UBASH3B: variants seen among roughly 807,000 people sequenced by gnomAD.
The protein encoded by UBASH3B is ubiquitin-associated and SH3 domain-containing protein B.
In UBASH3B, 37 loss-of-function variants were observed where a neutral mutation model predicts 83.4. That is an observed-to-expected ratio of 0.44 (90% CI 0.34 to 0.58). The LOEUF (loss-of-function observed/expected upper bound fraction) is 0.58. Ranked by LOEUF, UBASH3B falls within the 20% of genes least tolerant of loss-of-function variation. The pLI, the probability that UBASH3B is intolerant of heterozygous loss-of-function variation, is 0.01. For missense variants in UBASH3B, 657 were observed against 827.2 expected, an observed-to-expected ratio of 0.79 and a Z score of 2.52; for synonymous variants, 304 against 318.3, an observed-to-expected ratio of 0.96 and a Z score of 0.48.
At chr11:122,688,246 T>C (rs920648955) in intron 1 of UBASH3B, among the ~76,000 whole-genome samples, 17 of 151,902 alleles carry the variant, frequency 1.1e-4, no homozygotes, top group African/African-American at 4.1e-4. Flanking sequence ...TTTCTTTCTT[T>C]CTTCCTTCCC....
intron 1 of UBASH3B, among the ~76,000 whole-genome samples, chr11:122,750,115 A>G (rs1861177157): frequency 6.6e-6 from 1 of 152,224 alleles, no homozygotes; most frequent in Non-Finnish European, 1.5e-5. Context: ...GATAAATAGC[A>G]GAGCCAAGGC....
At chr11:122,796,889 G>C in intron 8 of UBASH3B, 22 bp from the exon 9 acceptor site, 1 of 1,614,108 alleles carries the variant, frequency 6.2e-7, no homozygotes. Flanking sequence ...TGTATCCTCT[G>C]TCTAACCTCT....
intron 5 of UBASH3B, among the ~76,000 whole-genome samples, chr11:122,783,838 C>T (rs924280874): frequency 1.3e-5 from 2 of 152,278 alleles, no homozygotes; most frequent in East Asian, 3.9e-4. Context: ...AAACTGAATT[C>T]CATCACAAGA....
chr11:122,690,281 TAC>T (rs1863877902), intron 1 of UBASH3B, among the ~76,000 whole-genome samples: 1 of 126,654 alleles, frequency 7.9e-6, no homozygotes, highest in African/African-American at 2.8e-5. Context: ...TCTCCAATTA[TAC>T]ATATATATAT....
chr11:122,741,714 G>A (rs1861028451), intron 1 of UBASH3B, among the ~76,000 whole-genome samples: 1 of 152,070 alleles, frequency 6.6e-6, no homozygotes, highest in Non-Finnish European at 1.5e-5. Flanking sequence ...AGGCCCTCAC[G>A]ACAGCCAGGC....
chr11:122,790,598 T>C (rs1861036638), intron 6 of UBASH3B, among the ~76,000 whole-genome samples: 1 of 152,202 alleles, frequency 6.6e-6, no homozygotes. Context: ...CTCAGATCTG[T>C]TATTTTTTAT....
intron 1 of UBASH3B, among the ~76,000 whole-genome samples, chr11:122,706,293 C>A (rs1054151130): frequency 4.6e-5 from 7 of 151,876 alleles, no homozygotes; most frequent in African/African-American, 7.2e-5. Context: ...TTAATGCCAC[C>A]CCTGGATTCA....
At chr11:122,779,472 G>T (rs768495485) in intron 3 of UBASH3B, 25 bp from the exon 4 acceptor site, 2 of 1,612,954 alleles carry the variant, frequency 1.2e-6, no homozygotes, top group Non-Finnish European at 1.7e-6. Flanking sequence ...GTCTCTGAGT[G>T]AAGACTGCCT....
chr11:122,774,029 T>G, intron 1 of UBASH3B: 1 of 985,350 alleles, frequency 1.0e-6, no homozygotes, highest in Non-Finnish European at 1.2e-6. Flanking sequence ...ATGATTTGTG[T>G]TGTTTTGTGC....
In UBASH3B at chr11:122,759,037, C is replaced by T. The variant is rs1289365519; in HGVS notation, c.162-17182C>T. Among the ~76,000 whole-genome samples the T allele has an allele frequency of 6.6e-6, 1 of 152,226 alleles. No individual in the cohort carries two copies. Among genetic ancestry groups the T allele is most frequent in the Non-Finnish European group, 1.5e-5 (1 of 68,030 alleles). On this transcript the variant is annotated intron_variant, in intron 1 of 13. Transcript: ENST00000284273. The surrounding 1 kb of genome is among the most constrained non-coding windows in gnomAD (Gnocchi z 4.1). ...CTGTAGGTCAGGAGCCCAGGCATGG[C>T]TTGACTGGGTTCTCTGCTCAGTCTT... is the stretch of plus-strand genomic sequence containing the variant.
In UBASH3B at chr11:122,796,269, T is replaced by G; in HGVS notation, c.1227T>G (p.Asp409Glu). Residue 409 changes from aspartate to glutamate, a missense_variant, in exon 8 of 14, where the codon GAT (aspartate) becomes GAG (glutamate). This residue lies in a region of UBASH3B where 573 missense variants were observed against 739.0 expected (regional missense o/e 0.78). Coordinates refer to ENST00000284273, the MANE Select transcript of UBASH3B (RefSeq NM_032873.5). ...FGKYWLSQCF[D>E]AKGRYIRTNL... Reference sequence around the variant, plus strand: ...AGTACTGGCTGTCCCAGTGCTTCGATGCCAAAGGTGAGTTGGTGGTGGGCC... The same window carrying G: ...AGTACTGGCTGTCCCAGTGCTTCGAGGCCAAAGGTGAGTTGGTGGTGGGCC... 6.2e-7 allele frequency: 1 copy of G among 1,614,100 alleles called. No individual in the cohort carries two copies. The highest frequency in any genetic ancestry group is 8.5e-7 in the Non-Finnish European group (1 of 1,179,964).
chr11:122,789,385 C>A (rs1591814846), intron 6 of UBASH3B, 77 bp downstream of exon 6: 1 of 1,488,074 alleles, frequency 6.7e-7, no homozygotes, highest in Non-Finnish European at 9.3e-7. Flanking sequence ...CACAGGGCAG[C>A]AGTAAATGGA....
At chr11:122,805,481 G>A (rs1207202608) in intron 11 of UBASH3B, among the ~76,000 whole-genome samples, 13 of 152,124 alleles carry the variant, frequency 8.5e-5, no homozygotes, top group Admixed American at 7.9e-4. Flanking sequence ...GCAGTGAGTC[G>A]AGATCGAGCC....
chr11:122,809,402 A>G (rs1020975423), intron 13 of UBASH3B, among the ~76,000 whole-genome samples: 2 of 152,144 alleles, frequency 1.3e-5, no homozygotes, highest in Non-Finnish European at 1.5e-5. Flanking sequence ...CTGGACTTGC[A>G]ATTGGGAATT....
chr11:122,671,263 C>T (rs918820969), intron 1 of UBASH3B, among the ~76,000 whole-genome samples: 3 of 152,194 alleles, frequency 2.0e-5, no homozygotes, highest in African/African-American at 4.8e-5. Flanking sequence ...CAGTGGCTCA[C>T]GCCTATAATC....
chr11:122,760,348 A>G (rs947284925), intron 1 of UBASH3B, among the ~76,000 whole-genome samples: 1 of 146,940 alleles, frequency 6.8e-6, no homozygotes, highest in Non-Finnish European at 1.5e-5. Context: ...ACCAACAGAG[A>G]AAGTTTTTTT....
At chr11:122,776,913 C>A in intron 2 of UBASH3B, 111 bp from the exon 3 acceptor site, 1 of 1,040,002 alleles carries the variant, frequency 9.6e-7, no homozygotes, top group Non-Finnish European at 1.4e-6. Context: ...AACCCTTCCC[C>A]GCGCTGTGCC....
At chr11:122,734,911 C>T (rs1295116410) in intron 1 of UBASH3B, among the ~76,000 whole-genome samples, 3 of 150,132 alleles carry the variant, frequency 2.0e-5, no homozygotes, top group African/African-American at 7.3e-5. Context: ...GTCACCATTG[C>T]TCTTTATGGC....
intron 1 of UBASH3B, among the ~76,000 whole-genome samples, chr11:122,715,445 G>A (rs1860503660): frequency 6.6e-6 from 1 of 152,164 alleles, no homozygotes; most frequent in Non-Finnish European, 1.5e-5. Flanking sequence ...CATATGCTAC[G>A]GCAGAGACAA....
Sources: allele counts gnomAD v4.1 joint callset (sites outside exome capture counted in the v4.1 genomes callset), GRCh38; gene constraint gnomAD v4.1.1; regional missense constraint gnomAD v4.1.1; non-coding constraint Gnocchi (gnomAD v3.1); transcripts MANE v1.5; gene names NCBI Gene and HGNC (gene_info 2026-07-23, HGNC 2026-07-21).